LYRM4: variants seen among roughly 807,000 people sequenced by gnomAD.
LYRM4 encodes LYR motif containing 4.
In LYRM4, 9 loss-of-function variants were observed where a neutral mutation model predicts 11.7. The observed-to-expected ratio is 0.77, with a 90% confidence interval of 0.46 to 1.34. The LOEUF is 1.34. Ranked by LOEUF, LYRM4 falls within the 40% of genes most tolerant of loss-of-function variation. The pLI, the probability that LYRM4 is intolerant of heterozygous loss-of-function variation, is 0.00. For synonymous variants in LYRM4, 42 were observed against 40.4 expected (o/e 1.04, Z -0.15); for missense variants, 133 against 112.5 (o/e 1.18, Z -0.82).
chr6:5,187,334 GAC>G (rs1272496832), intron 2 of LYRM4, among the ~76,000 whole-genome samples: 1 of 152,152 alleles, frequency 6.6e-6, no homozygotes, highest in African/African-American at 2.4e-5. Context: ...CCTTCACAAA[GAC>G]ACACATATCA....
At chr6:5,212,442 CTGTT>C (rs753267471) in intron 2 of LYRM4, among the ~76,000 whole-genome samples, 12 of 152,336 alleles carry the variant, frequency 7.9e-5, no homozygotes, top group South Asian at 6.2e-4. Flanking sequence ...GCTGCTCAGA[CTGTT>C]TGAGAGCTAT....
the LYRM4 span, among the ~76,000 whole-genome samples, chr6:5,084,336 A>G: frequency 1.3e-5 from 2 of 152,142 alleles, no homozygotes; most frequent in Non-Finnish European, 2.9e-5. Flanking sequence ...GGCCCCTGGC[A>G]AGGCCGGAGC....
the LYRM4 span, among the ~76,000 whole-genome samples, chr6:5,052,602 G>A: frequency 1.3e-5 from 2 of 152,142 alleles, no homozygotes; most frequent in African/African-American, 4.8e-5. Flanking sequence ...CTGGCCCAGT[G>A]TATAACTTCA....
At chr6:5,085,781 T>C in the LYRM4 span, 7 of 1,532,846 alleles carry the variant, frequency 4.6e-6, no homozygotes, top group Non-Finnish European at 6.1e-6. Context: ...GCCAAGTTCC[T>C]GCAGCAGCAG....
At chr6:5,163,806 G>A (rs1758910297) in intron 2 of LYRM4, among the ~76,000 whole-genome samples, 1 of 151,862 alleles carries the variant, frequency 6.6e-6, no homozygotes, top group Non-Finnish European at 1.5e-5. Context: ...TAGAGACTGG[G>A]TTTCACCATG....
At chr6:5,238,106 G>T (rs1489346816) in intron 1 of LYRM4, among the ~76,000 whole-genome samples, 1 of 151,896 alleles carries the variant, frequency 6.6e-6, no homozygotes, top group Non-Finnish European at 1.5e-5. Context: ...GACTTATTTT[G>T]GTTTTCCTAT....
rs763788614 is a variant in LYRM4 at position 5,108,939 on chromosome 6, C to T, written c.*484G>A. 11 of 996,324 alleles carry T rather than the reference C, an allele frequency of 1.1e-5. No homozygotes were observed. Among genetic ancestry groups the T allele is most frequent in the East Asian group, 1.0e-4 (1 of 9,756 alleles). The allele number at this position is 996,324 out of a possible 1,614,324, so 61.7% of individuals were successfully genotyped here. A position where few individuals can be genotyped will look rare whatever the true frequency, so the allele number is the denominator to read the frequency against. On this transcript the variant is annotated 3_prime_UTR_variant, in exon 3 of 3. Coordinates refer to ENST00000330636, the MANE Select transcript of LYRM4 (RefSeq NM_020408.6). ...CCCCCAGTCTCAAGTGGTGCTTGAA[C>T]TTGCCTTCACCAAGGCAGTTCTCGT...
chr6:5,040,798 A>G, the LYRM4 span, among the ~76,000 whole-genome samples: 2 of 152,118 alleles, frequency 1.3e-5, no homozygotes, highest in African/African-American at 4.8e-5. Context: ...TAAAAACCTG[A>G]CTATATAAAA....
At chr6:5,244,490 G>C (rs1764050548) in intron 1 of LYRM4, among the ~76,000 whole-genome samples, 2 of 152,150 alleles carry the variant, frequency 1.3e-5, no homozygotes, top group South Asian at 4.1e-4. Context: ...GAAGATCTCA[G>C]GGGATGGGGA....
intron 2 of LYRM4, among the ~76,000 whole-genome samples, chr6:5,192,735 C>A (rs1186309030): frequency 6.6e-6 from 1 of 152,214 alleles, no homozygotes; most frequent in Admixed American, 6.5e-5. Context: ...GTATCCAAAG[C>A]ACATTTAGGG....
chr6:5,046,310 C>A, the LYRM4 span, among the ~76,000 whole-genome samples: 1 of 152,088 alleles, frequency 6.6e-6, no homozygotes, highest in Non-Finnish European at 1.5e-5. Context: ...CCACACCCGG[C>A]TAATTTTTTG....
chr6:5,245,108 AAAAAAATATATATATATATATATATATAT>A (rs1764101493), intron 1 of LYRM4, among the ~76,000 whole-genome samples: 9 of 45,398 alleles, frequency 2.0e-4, no homozygotes, highest in African/African-American at 6.8e-4. Context: ...AAAAAAAAAA[AAAAAAATATATATATATATATATATATAT>A]ATATATATAT....
chr6:5,142,034 C>A (rs767210098), intron 2 of LYRM4, among the ~76,000 whole-genome samples: 2 of 152,004 alleles, frequency 1.3e-5, no homozygotes, highest in Non-Finnish European at 2.9e-5. Flanking sequence ...GGGGGGGATG[C>A]GGGTACAGGT....
intron 2 of LYRM4, among the ~76,000 whole-genome samples, chr6:5,118,094 A>ATATATATATT: frequency 2.6e-4 from 22 of 86,130 alleles, no homozygotes; most frequent in African/African-American, 6.6e-4. Context: ...ATATATATAT[A>ATATATATATT]TTTTTGTTTT....
chr6:5,086,856 T>G, the LYRM4 span: 1 of 438,020 alleles, frequency 2.3e-6, no homozygotes, highest in Non-Finnish European at 4.0e-6. Context: ...AGGAAGAAAC[T>G]TCCAAGGCCC....
chr6:5,131,971 TC>T (rs35627413), intron 2 of LYRM4, among the ~76,000 whole-genome samples: 92,589 of 152,090 alleles, frequency 0.61, 28,679 homozygotes, highest in East Asian at 0.81. Context: ...CAGTCGTGGA[TC>T]CCCAGTTGAC....
the LYRM4 span, among the ~76,000 whole-genome samples, chr6:5,090,307 T>C: frequency 6.6e-6 from 1 of 152,172 alleles, no homozygotes; most frequent in Admixed American, 6.5e-5. This position sits in a 1 kb window ranked among gnomAD's most constrained non-coding sequence, Gnocchi z 4.8. Flanking sequence ...TGTCCCTATC[T>C]AGAGCTTCAG....
At chr6:5,147,468 CTT>C (rs1373640616) in intron 2 of LYRM4, among the ~76,000 whole-genome samples, 1 of 152,174 alleles carries the variant, frequency 6.6e-6, no homozygotes, top group Non-Finnish European at 1.5e-5. Flanking sequence ...ATGGTGTCCT[CTT>C]TCTCTGAAAA....
the LYRM4 span, chr6:5,067,062 T>A: frequency 8.6e-6 from 3 of 347,048 alleles, no homozygotes; most frequent in East Asian, 1.5e-4. Context: ...TTTAATTATA[T>A]CATTGAAACA....
Sources: gnomAD v4.1 joint callset for allele counts (sites outside exome capture counted in the v4.1 genomes callset) on GRCh38, gnomAD v4.1.1 for gene constraint, Gnocchi (gnomAD v3.1) non-coding constraint, MANE v1.5 for transcripts, NCBI Gene and HGNC (gene_info 2026-07-23, HGNC 2026-07-21) for gene names.